The following RBBP8 variants were observed in gnomAD, a reference collection of about 807,000 sequenced individuals.
RBBP8 encodes the protein RB binding protein 8, endonuclease.
Under a neutral mutation model 108.3 loss-of-function variants are expected in RBBP8, and 88 were observed. That is an observed-to-expected ratio of 0.81 (90% CI 0.68 to 0.97). The LOEUF (loss-of-function observed/expected upper bound fraction) is 0.97, where lower values mean the gene tolerates loss of function less well. RBBP8 is among the 50% of genes least tolerant of loss of function. The probability of loss-of-function intolerance (pLI) is 0.00; values close to 1 mark genes in which losing one functional copy is unlikely to be tolerated. For synonymous variants in RBBP8, 332 were observed against 348.2 expected (o/e 0.95, Z 0.52); for missense variants, 1,023 against 1,049.0 (o/e 0.98, Z 0.34).
chr18:22,993,857 C>G lies in RBBP8; in HGVS notation c.1939+10C>G. 1 of 1,610,552 alleles carries G rather than the reference C, an allele frequency of 6.2e-7. No individual in the cohort carries two copies. The highest frequency in any genetic ancestry group is 1.3e-5 in the African/African-American group (1 of 74,892). On this transcript the variant is annotated intron_variant, in intron 12 of 18. Coordinates refer to ENST00000327155, the MANE Select transcript of RBBP8 (RefSeq NM_002894.3). The stretch of plus-strand genomic sequence containing the variant: ...CTACAAAACAACCAAGGTGTGTACA[C>G]CATAAACAGGATCTCCACTTTTTTA...
At position 22,936,803 on chromosome 18, in the gene RBBP8, A is replaced by G. The variant is rs1416358869; in HGVS notation, c.-49A>G. On this transcript the variant is annotated 5_prime_UTR_variant, in exon 2 of 19. Transcript: ENST00000327155. ...TTGATACCTCTATAATGTAACAGAA[A>G]AGGTCAGAAAATATTAAGCAAGTAG... is the stretch of plus-strand genomic sequence containing the variant. The G allele has an allele frequency of 1.2e-6, 2 of 1,610,154 alleles. No individual in the cohort carries two copies. Among genetic ancestry groups the G allele is most frequent in the African/African-American group, 2.7e-5 (2 of 74,874 alleles).
At position 23,026,291 on chromosome 18, in the gene RBBP8, A is replaced by G; in HGVS notation, c.*51A>G. On this transcript the variant is annotated 3_prime_UTR_variant, in exon 19 of 19. Coordinates refer to ENST00000327155, the MANE Select transcript of RBBP8 (RefSeq NM_002894.3). ...AAGGACAGTTTTTTCCTTCTTAGTT[A>G]TTTATAGTTAAAGTTGGTACTAAAC... 4 of 1,453,452 alleles carry G rather than the reference A, an allele frequency of 2.8e-6. No individual in the cohort carries two copies. Among genetic ancestry groups the G allele is most frequent in the Non-Finnish European group, 3.9e-6 (4 of 1,038,844 alleles). 90.0% of individuals were successfully genotyped at this position (1,453,452 alleles called of 1,614,324 possible).
At chr18:22,923,408 T>C (rs1909671965) in intron 3 of RBBP8, among the ~76,000 whole-genome samples, 1 of 152,226 alleles carries the variant, frequency 6.6e-6, no homozygotes, top group Admixed American at 6.5e-5. Context: ...GTATAGCCTT[T>C]GCACATGCCT....
intron 2 of RBBP8, among the ~76,000 whole-genome samples, chr18:22,940,160 T>A (rs1324639791): frequency 1.3e-5 from 2 of 151,960 alleles, no homozygotes; most frequent in Non-Finnish European, 2.9e-5. Flanking sequence ...TTAGGACAGA[T>A]TTCTCTATTT....
chr18:22,930,108 C>T (rs375931956), upstream of RBBP8, among the ~76,000 whole-genome samples: 2 of 152,298 alleles, frequency 1.3e-5, no homozygotes, highest in East Asian at 3.9e-4. Flanking sequence ...CAAAACTTTA[C>T]TTTTAAGAAT....
At chr18:22,969,622 T>C (rs1426133822) in intron 5 of RBBP8, among the ~76,000 whole-genome samples, 1 of 152,190 alleles carries the variant, frequency 6.6e-6, no homozygotes, top group Non-Finnish European at 1.5e-5. Flanking sequence ...TCATTGTTTT[T>C]AAAAGAGGTA....
chr18:22,995,555 C>T (rs80183907), intron 12 of RBBP8, among the ~76,000 whole-genome samples: 1,822 of 152,282 alleles, frequency 0.012, 42 homozygotes, highest in African/African-American at 0.041. Context: ...ATTTTCATCA[C>T]TTTCCTTCCC....
intron 12 of RBBP8, among the ~76,000 whole-genome samples, chr18:22,994,054 T>G (rs1310875749): frequency 8.3e-6 from 1 of 120,646 alleles, no homozygotes. Flanking sequence ...GGAGTCTCGC[T>G]CTGTCGCCCA....
chr18:22,993,616 G>C lies in RBBP8; in HGVS notation c.1789G>C (p.Glu597Gln). Residue 597 changes from glutamate to glutamine, a missense_variant, in exon 11 of 19, where the codon GAG becomes CAG. Transcript: ENST00000327155. ...PLRPRESLETENVLDDIKSAG... is the reference protein window; with the variant it reads ...PLRPRESLETQNVLDDIKSAG... ...ACGTCCACGTGAAAGTTTGGAGACT[G>C]AGAATGTTTTAGATGACATAAAGGT... The C allele has an allele frequency of 1.9e-6, 3 of 1,614,226 alleles. No individual in the cohort carries two copies. Among genetic ancestry groups the C allele is most frequent in the Non-Finnish European group, 2.5e-6 (3 of 1,180,038 alleles).
At chr18:22,947,878 C>G (rs1911702891) in intron 3 of RBBP8, among the ~76,000 whole-genome samples, 1 of 151,952 alleles carries the variant, frequency 6.6e-6, no homozygotes, top group South Asian at 2.1e-4. Flanking sequence ...TTAACTTCAA[C>G]TTAGGTTATT....
intron 2 of RBBP8, among the ~76,000 whole-genome samples, chr18:22,944,452 C>CA (rs561860614): frequency 6.7e-4 from 100 of 148,170 alleles, no homozygotes; most frequent in South Asian, 4.7e-3. Context: ...AAATTAAAAA[C>CA]AAAAAAAAAA....
chr18:23,015,575 T>G (rs1376802751), intron 16 of RBBP8, among the ~76,000 whole-genome samples: 1 of 151,944 alleles, frequency 6.6e-6, no homozygotes, highest in Non-Finnish European at 1.5e-5. Context: ...TTTTTTCTAG[T>G]AGTTTTATAG....
At chr18:22,995,734 TTTA>T (rs762931415) in intron 12 of RBBP8, among the ~76,000 whole-genome samples, 8 of 152,216 alleles carry the variant, frequency 5.3e-5, no homozygotes, top group Non-Finnish European at 7.3e-5. Flanking sequence ...ATATCAATAT[TTTA>T]TTTCTTTTTA....
intron 15 of RBBP8, among the ~76,000 whole-genome samples, chr18:23,004,056 C>CAAA (rs34653966): frequency 8.6e-5 from 6 of 69,654 alleles, no homozygotes; most frequent in Non-Finnish European, 1.3e-4. Context: ...GACCCCGTCT[C>CAAA]AAAAAAAAAA....
In RBBP8 at chr18:22,949,643, T is replaced by G. The variant is rs755718332; in HGVS notation, c.178T>G (p.Phe60Val). 4 of 1,613,068 alleles carry G rather than the reference T, an allele frequency of 2.5e-6. No individual in the cohort carries two copies. The highest frequency in any genetic ancestry group is 1.1e-5 in the South Asian group (1 of 91,072). ...AGATGCACAAAGACTAGAAGAATTC[T>G]TCACCAAAAATCAACAGCTGAGGGA... ...ILDAQRLEEF[F>V]TKNQQLREQQ... Residue 60 changes from phenylalanine (F) to valine (V), a missense_variant, in exon 4 of 19, where the codon TTC (phenylalanine) becomes GTC (valine). Transcript: ENST00000327155.
intron 5 of RBBP8, among the ~76,000 whole-genome samples, chr18:22,974,183 A>T (rs555539740): frequency 6.6e-6 from 1 of 152,184 alleles, no homozygotes; most frequent in Non-Finnish European, 1.5e-5. Context: ...GCTAAAACAC[A>T]TGCTTAACCA....
In RBBP8 at chr18:22,968,836, A is replaced by G. The variant is rs144391536; in HGVS notation, c.279A>G (p.Ala93=). Reference sequence around the variant, plus strand: ...GAGCAGGCTTATGTGATCGCTGTGCAGTAACTGAAGAACATATGCGGAAAA... The same window carrying G: ...GAGCAGGCTTATGTGATCGCTGTGCGGTAACTGAAGAACATATGCGGAAAA... ...RLRAGLCDRC[A]VTEEHMRKKQ... is the part of the protein sequence containing the mutation. The change falls in exon 5 of 19, where the codon GCA becomes GCG. Residue 93 remains alanine, a synonymous_variant. Transcript: ENST00000327155. 6.3e-5 allele frequency: 101 copies of G among 1,613,508 alleles called. No homozygotes were observed. The highest frequency in any genetic ancestry group is 5.0e-4 in the Admixed American group (30 of 60,006).
intron 4 of RBBP8, among the ~76,000 whole-genome samples, chr18:22,959,722 ATG>A (rs142382462): frequency 0.049 from 7,353 of 151,076 alleles, 336 homozygotes; most frequent in African/African-American, 0.12. Flanking sequence ...GTATATTTAT[ATG>A]TGTGTGTGTG....
At chr18:23,004,738 G>A (rs2046009832) in intron 15 of RBBP8, 1 of 152,294 alleles carries the variant, frequency 6.6e-6, no homozygotes, top group Admixed American at 6.6e-5. Flanking sequence ...GTTGCTCAAG[G>A]AGCAGTGAAC....
Sources: allele counts gnomAD v4.1 joint callset (sites outside exome capture counted in the v4.1 genomes callset), GRCh38; gene constraint gnomAD v4.1.1; transcripts MANE v1.5; gene names NCBI Gene and HGNC (gene_info 2026-07-23, HGNC 2026-07-21).